ELL2: variants seen among roughly 807,000 people sequenced by gnomAD.
ELL2 encodes RNA polymerase II elongation factor ELL2.
ELL2 carries 21 observed loss-of-function variants against 72.8 expected under a neutral mutation model. The observed-to-expected ratio is 0.29, with a 90% CI of 0.20 to 0.42. The LOEUF is 0.42. Among genes scored for constraint, ELL2 ranks in the 10% least tolerant of loss-of-function variants. ELL2 has a pLI of 1.00. For synonymous variants in ELL2, 266 were observed against 283.2 expected (o/e 0.94, Z 0.61); for missense variants, 568 against 772.8 (o/e 0.73, Z 3.14).
intron 9 of ELL2, among the ~76,000 whole-genome samples, chr5:95,891,678 G>A (rs567583413): frequency 1.3e-5 from 2 of 152,332 alleles, no homozygotes; most frequent in African/African-American, 4.8e-5. Flanking sequence ...GTGAAACCAG[G>A]AGAATGTCAC....
chr5:95,894,247 A>C (rs76954832), intron 9 of ELL2, among the ~76,000 whole-genome samples: 6,573 of 152,282 alleles, frequency 0.043, 247 homozygotes, highest in African/African-American at 0.091. Context: ...TCTCAAAAAC[A>C]AAAAAAGGGG....
rs1013052660 is a variant in ELL2, at chr5:95,919,509, C to G, written c.232G>C (p.Val78Leu). The change falls in exon 3 of 12, where the codon GTT (valine) becomes CTT (leucine). Residue 78 changes from valine (V) to leucine (L), a missense_variant. Physicochemically the swap from Val to Leu is conservative, Grantham distance 32. Around this residue, in one of 2 missense-constraint regions of ELL2, gnomAD observed 511 missense variants for 728.4 expected, o/e 0.70. Coordinates refer to ENST00000237853, the MANE Select transcript of ELL2 (RefSeq NM_012081.6). ...KIPKNDPLNE[V>L]HNFNFYLSNV... ...GACAAATAAAAGTTAAAGTTATGAA[C>G]TTCATTGAGGGGATCATTTTTGGGA... 6.3e-7 allele frequency: 1 copy of G among 1,583,754 alleles called. No individual in the cohort carries two copies. Among genetic ancestry groups the G allele is most frequent in the Non-Finnish European group, 8.6e-7 (1 of 1,169,250 alleles).
At chr5:95,916,530 T>A (rs1373762367) in intron 3 of ELL2, among the ~76,000 whole-genome samples, 1 of 152,042 alleles carries the variant, frequency 6.6e-6, no homozygotes, top group African/African-American at 2.4e-5. Flanking sequence ...GTCAACAGTG[T>A]GCAACACTGG....
chr5:95,893,482 T>C lies in ELL2; in HGVS notation c.1589+2146A>G, dbSNP rs935267863. Among the ~76,000 whole-genome samples, 6 of 152,162 alleles carry C rather than the reference T, an allele frequency of 3.9e-5. No homozygotes were observed. The South Asian group carries it at 1.2e-3, about 32-fold the overall frequency. On this transcript the variant is annotated intron_variant, in intron 9 of 11. Coordinates refer to ENST00000237853, the MANE Select transcript of ELL2 (RefSeq NM_012081.6). ...TCACTGCAAACTCCGCCTCCCGGGT[T>C]CACACCATTCTCCTGCCTCAGCCTC...
chr5:95,943,123 A>T, intron 1 of ELL2, 74 bp from the exon 2 acceptor site: 1 of 1,339,030 alleles, frequency 7.5e-7, no homozygotes, highest in East Asian at 2.6e-5. Flanking sequence ...TTTAAACTTT[A>T]AATCTATGTT....
intron 3 of ELL2, among the ~76,000 whole-genome samples, chr5:95,917,860 T>G (rs1749880788): frequency 6.6e-6 from 1 of 152,178 alleles, no homozygotes; most frequent in Non-Finnish European, 1.5e-5. Flanking sequence ...AGGATTAAGC[T>G]CCTTAATAAA....
At chr5:95,946,610 A>T (rs1461127306) in intron 1 of ELL2, among the ~76,000 whole-genome samples, 2 of 152,204 alleles carry the variant, frequency 1.3e-5, no homozygotes, top group Non-Finnish European at 2.9e-5. Context: ...TAGAAAACAC[A>T]TCCGCTATCA....
At chr5:95,961,319 A>G (rs377542787) in intron 1 of ELL2, among the ~76,000 whole-genome samples, 3 of 151,866 alleles carry the variant, frequency 2.0e-5, no homozygotes, top group East Asian at 1.9e-4. Context: ...CCGCAGCGGC[A>G]GCGCAGCCGA....
chr5:95,950,929 TA>T (rs1561515411), intron 1 of ELL2, among the ~76,000 whole-genome samples: 5 of 126,632 alleles, frequency 3.9e-5, no homozygotes, highest in Middle Eastern at 4.1e-3. Context: ...TATATATATA[TA>T]TATATATATA....
intron 5 of ELL2, among the ~76,000 whole-genome samples, chr5:95,902,720 T>C (rs961777643): frequency 1.3e-5 from 2 of 152,236 alleles, no homozygotes; most frequent in African/African-American, 4.8e-5. Flanking sequence ...TAATATAGTA[T>C]ACACCCAGAT....
rs1337773834 is a variant in ELL2 at position 95,886,988 on chromosome 5, C to G, written c.*1883G>C. 6.6e-6 allele frequency: 1 copy of G among 152,196 alleles called. No homozygotes were observed. Among genetic ancestry groups the G allele is most frequent in the African/African-American group, 2.4e-5 (1 of 41,440 alleles). The allele number at this position is 152,196 out of a possible 1,614,324, so 9.4% of individuals were successfully genotyped here. A position where few individuals can be genotyped will look rare whatever the true frequency, so the allele number is the denominator to read the frequency against. The stretch of plus-strand genomic sequence containing the variant: ...AGACGAACCACTCAGGAGACTCTAT[C>G]ATAATAATATGATGCCTGAATTTAT... On this transcript the variant is annotated 3_prime_UTR_variant, in exon 12 of 12. Transcript: ENST00000237853.
At chr5:95,952,400 C>T (rs1042180773) in intron 1 of ELL2, among the ~76,000 whole-genome samples, 3 of 152,012 alleles carry the variant, frequency 2.0e-5, no homozygotes, top group Non-Finnish European at 4.4e-5. Context: ...CACCAAACCC[C>T]CATGACATGC....
chr5:95,917,756 T>TC (rs1749875252), intron 3 of ELL2, among the ~76,000 whole-genome samples: 1 of 151,706 alleles, frequency 6.6e-6, no homozygotes, highest in African/African-American at 2.4e-5. Flanking sequence ...CTTAAATCCT[T>TC]TCCAAACAAG....
chr5:95,919,778 C>G (rs965268497), intron 2 of ELL2, among the ~76,000 whole-genome samples: 7 of 152,198 alleles, frequency 4.6e-5, no homozygotes, highest in Non-Finnish European at 7.3e-5. Context: ...GTAATCACTT[C>G]TGCTCAATAG....
rs1561505266 is a variant in ELL2 at position 95,927,736 on chromosome 5, CACACACACATATGTGTGTATATAGACAT to C, written c.196-8219_196-8192del. Among the ~76,000 whole-genome samples the C allele has an allele frequency of 1.2e-4, 6 of 52,090 alleles. 1 individual carries two copies. Among genetic ancestry groups the C allele is most frequent in the Non-Finnish European group, 1.6e-4 (5 of 30,770 alleles). The allele number at this position is 52,090 out of a possible 152,430, so 34.2% of individuals were successfully genotyped here. On this transcript the variant is annotated intron_variant, in intron 2 of 11. Transcript: ENST00000237853. Reference sequence around the variant, plus strand: ...ACACATATGTGTGTATATAGACATACACACACACATATGTGTGTATATAGACATACACACACACATATGTGTGTATATA... The same window carrying C: ...ACACATATGTGTGTATATAGACATACACACACACACATATGTGTGTATATA...
intron 3 of ELL2, among the ~76,000 whole-genome samples, chr5:95,918,963 G>C (rs1011616550): frequency 2.0e-5 from 3 of 149,026 alleles, no homozygotes; most frequent in Non-Finnish European, 4.4e-5. Context: ...GTAGAATAAA[G>C]ATGTTTAAAA....
chr5:95,931,835 TTCCCAGAG>T (rs1374906601), intron 2 of ELL2, among the ~76,000 whole-genome samples: 5 of 143,504 alleles, frequency 3.5e-5, no homozygotes, highest in South Asian at 2.2e-4. Context: ...TGCTTTCAGA[TTCCCAGAG>T]TCCCAGATAC....
At chr5:95,934,690 G>A (rs376587529) in intron 2 of ELL2, among the ~76,000 whole-genome samples, 1 of 152,316 alleles carries the variant, frequency 6.6e-6, no homozygotes, top group Non-Finnish European at 1.5e-5. Context: ...ATTAGCTGGT[G>A]TCTAGCTCTA....
At chr5:95,910,855 T>C (rs761156517) in intron 4 of ELL2, among the ~76,000 whole-genome samples, 4 of 152,198 alleles carry the variant, frequency 2.6e-5, no homozygotes, top group Non-Finnish European at 4.4e-5. Context: ...TAGTCTATTA[T>C]TAATTAAAGG....
Sources: allele counts gnomAD v4.1 joint callset (sites outside exome capture counted in the v4.1 genomes callset), GRCh38; gene constraint gnomAD v4.1.1; regional missense constraint gnomAD v4.1.1; transcripts MANE v1.5; gene names NCBI Gene and HGNC (gene_info 2026-07-23, HGNC 2026-07-21).